SLC13A4: variants seen among roughly 807,000 people sequenced by gnomAD.
SLC13A4 encodes Na(+)/sulfate cotransporter SUT-1.
Under a neutral mutation model 72.7 loss-of-function variants are expected in SLC13A4, and 28 were observed. That is an observed-to-expected ratio of 0.39 (90% CI 0.29 to 0.53). The LOEUF (loss-of-function observed/expected upper bound fraction) is 0.53, where lower values mean the gene tolerates loss of function less well. Among genes scored for constraint, SLC13A4 ranks in the 20% least tolerant of loss-of-function variants. The pLI, the probability that SLC13A4 is intolerant of heterozygous loss-of-function variation, is 0.78. For synonymous variants in SLC13A4, 312 were observed against 325.5 expected (o/e 0.96, Z 0.45); for missense variants, 653 against 788.0 (o/e 0.83, Z 2.05).
At chr7:135,714,786 G>A (rs577816565) in intron 2 of SLC13A4, among the ~76,000 whole-genome samples, 152 of 152,334 alleles carry the variant, frequency 1.0e-3, no homozygotes, top group Non-Finnish European at 1.5e-3. Flanking sequence ...GCAGGGAAGC[G>A]GATTGATGAC....
Position 135,708,255 on chromosome 7 carries a change from A to G in SLC13A4, c.229-5T>C, listed in dbSNP as rs747601067. 4 of 1,614,094 alleles carry G rather than the reference A, an allele frequency of 2.5e-6. No individual in the cohort carries two copies. Among genetic ancestry groups the G allele is most frequent in the Non-Finnish European group, 2.5e-6 (3 of 1,179,974 alleles). ...CTTGAAGTACTCCGCCGCCACCTGT[A>G]GGGAGGCCAGGCATGTCAGTCACCC... On this transcript the variant is annotated splice_polypyrimidine_tract_variant and splice_region_variant and intron_variant, in intron 2 of 15. Transcript: ENST00000682651.
intron 2 of SLC13A4, among the ~76,000 whole-genome samples, chr7:135,719,358 C>G (rs1285773485): frequency 6.6e-6 from 1 of 152,168 alleles, no homozygotes; most frequent in Non-Finnish European, 1.5e-5. Context: ...TAGTGAAATA[C>G]AAAGATTAGG....
chr7:135,703,665 A>G (rs1308636934), intron 5 of SLC13A4: 1 of 152,234 alleles, frequency 6.6e-6, no homozygotes, highest in Admixed American at 6.5e-5. Flanking sequence ...GAATGTTTCC[A>G]GTTTGTCTTA....
chr7:135,687,988 T>C (rs1275959768), intron 13 of SLC13A4, among the ~76,000 whole-genome samples: 1 of 151,116 alleles, frequency 6.6e-6, no homozygotes, highest in Non-Finnish European at 1.5e-5. Flanking sequence ...ATTTTTTTTT[T>C]TTTTTGAGAG....
chr7:135,687,842 G>A (rs1795671521), intron 13 of SLC13A4, among the ~76,000 whole-genome samples: 1 of 152,058 alleles, frequency 6.6e-6, no homozygotes, highest in Admixed American at 6.6e-5. Flanking sequence ...ACAGAGTTGT[G>A]CTCTGTCACC....
chr7:135,692,621 G>C, intron 10 of SLC13A4, 197 bp from the exon 11 acceptor site: 1 of 557,502 alleles, frequency 1.8e-6, no homozygotes, highest in Admixed American at 3.6e-5. Context: ...CATTAACCAT[G>C]TTCCTGGAGA....
At position 135,685,800 on chromosome 7, in the gene SLC13A4, C is replaced by T. The variant is rs1334170579; in HGVS notation, c.1447-117G>A. On this transcript the variant is annotated intron_variant, in intron 13 of 15. Transcript: ENST00000682651. ...GCTGGACGACCAGGGATCCTCTGAT[C>T]TTTAGTCTGACTGGAACCAGAGGTG... 11 of 884,046 alleles carry T rather than the reference C, an allele frequency of 1.2e-5. No homozygotes were observed. The Admixed American group carries it at 1.4e-4, about 11-fold the overall frequency. The allele number at this position is 884,046 out of a possible 1,614,324, so 54.8% of individuals were successfully genotyped here. A position where few individuals can be genotyped will look rare whatever the true frequency, so the allele number is the denominator to read the frequency against.
At chr7:135,684,397 T>A (rs1795575432) in intron 14 of SLC13A4, 136 bp from the exon 15 acceptor site, 1 of 979,204 alleles carries the variant, frequency 1.0e-6, no homozygotes, top group Non-Finnish European at 1.5e-6. Context: ...TAGTTAGGTC[T>A]CTGCCCTCTG....
At chr7:135,701,061 T>C (rs1196942078) in intron 7 of SLC13A4, among the ~76,000 whole-genome samples, 3 of 152,234 alleles carry the variant, frequency 2.0e-5, no homozygotes, top group Non-Finnish European at 4.4e-5. Context: ...ATTTCATCTC[T>C]GCCTTGTTTG....
chr7:135,714,933 G>A (rs916797527), intron 2 of SLC13A4, among the ~76,000 whole-genome samples: 5 of 152,190 alleles, frequency 3.3e-5, no homozygotes, highest in Non-Finnish European at 5.9e-5. Flanking sequence ...GCCAGAGACC[G>A]CTGGCTGGGC....
chr7:135,691,536 C>G lies in SLC13A4; in HGVS notation c.1321+12G>C. 6.9e-6 allele frequency: 11 copies of G among 1,602,556 alleles called. No individual in the cohort carries two copies. The highest frequency in any genetic ancestry group is 1.3e-5 in the African/African-American group (1 of 74,742). ...CAACTAGAGCTACCCCCAGTTTCTT[C>G]CCTTCTCTCACCATCATTCTTTTTC... On this transcript the variant is annotated intron_variant, in intron 12 of 15. Coordinates refer to ENST00000682651, the MANE Select transcript of SLC13A4 (RefSeq NM_001318192.2).
At chr7:135,721,595 G>T (rs1796551501) in intron 1 of SLC13A4, 72 bp from the exon 2 acceptor site, 3 of 1,584,520 alleles carry the variant, frequency 1.9e-6, no homozygotes, top group Non-Finnish European at 2.6e-6. Flanking sequence ...TGCAACCCTG[G>T]CATCTGAGGC....
At chr7:135,708,374 G>T in intron 2 of SLC13A4, 124 bp from the exon 3 acceptor site, 1 of 1,321,246 alleles carries the variant, frequency 7.6e-7, no homozygotes, top group Non-Finnish European at 1.0e-6. Context: ...GCGAAGGGGA[G>T]GCAGGGGGGT....
chr7:135,701,287 G>A (rs1488612431), intron 7 of SLC13A4, among the ~76,000 whole-genome samples: 1 of 152,192 alleles, frequency 6.6e-6, no homozygotes, highest in Non-Finnish European at 1.5e-5. Context: ...ACATTCATTC[G>A]ACTTCTGCAT....
chr7:135,692,269 C>T (rs1795804754), intron 11 of SLC13A4, 54 bp downstream of exon 11: 1 of 1,265,852 alleles, frequency 7.9e-7, no homozygotes, highest in African/African-American at 1.5e-5. Context: ...TGAAGTCTTG[C>T]CTGAAGAATT....
chr7:135,684,296 T>C, intron 14 of SLC13A4, 35 bp from the exon 15 acceptor site: 1 of 1,570,446 alleles, frequency 6.4e-7, no homozygotes. Flanking sequence ...ATTCACGAGA[T>C]TAGGCTTGCA....
At chr7:135,721,546 G>A (rs761357271) in intron 1 of SLC13A4, 23 bp from the exon 2 acceptor site, 20 of 1,612,560 alleles carry the variant, frequency 1.2e-5, no homozygotes, top group African/African-American at 4.0e-5. Context: ...GAAAGGGGCC[G>A]TCATTCACAG....
intron 2 of SLC13A4, among the ~76,000 whole-genome samples, chr7:135,719,504 C>T (rs1338003145): frequency 2.6e-5 from 4 of 152,114 alleles, no homozygotes; most frequent in Non-Finnish European, 2.9e-5. Flanking sequence ...TAAAGAGAAG[C>T]CTGGAGAACA....
intron 2 of SLC13A4, among the ~76,000 whole-genome samples, chr7:135,718,957 AG>A (rs1796486596): frequency 6.6e-6 from 1 of 152,238 alleles, no homozygotes; most frequent in African/African-American, 2.4e-5. Context: ...ATCTGAGCTA[AG>A]AAGGTCAGCT....
Sources: allele counts gnomAD v4.1 joint callset (sites outside exome capture counted in the v4.1 genomes callset), GRCh38; gene constraint gnomAD v4.1.1; transcripts MANE v1.5; gene names NCBI Gene and HGNC (gene_info 2026-07-23, HGNC 2026-07-21).